Variants in LAMP1 observed in about 807,000 individuals in gnomAD.
LAMP1 encodes lysosome-associated membrane glycoprotein 1.
A neutral mutation model predicts 37.5 loss-of-function variants in LAMP1; 7 were observed. The observed-to-expected ratio is 0.19, with a 90% CI of 0.11 to 0.35. LAMP1 has a LOEUF of 0.35. Ranked by LOEUF, LAMP1 falls within the 10% of genes least tolerant of loss-of-function variation. The pLI is 1.00. For synonymous variants in LAMP1, 236 were observed against 229.1 expected (o/e 1.03, Z -0.27); for missense variants, 537 against 552.8 (o/e 0.97, Z 0.29).
chr13:113,316,514 C>CCA (rs2042665392), intron 4 of LAMP1, among the ~76,000 whole-genome samples: 1 of 151,240 alleles, frequency 6.6e-6, no homozygotes, highest in East Asian at 2.0e-4. Flanking sequence ...GCTCCGCCTC[C>CCA]TGGGTTCACG....
chr13:113,319,582 G>A lies in LAMP1; in HGVS notation c.676G>A (p.Gly226Ser), dbSNP rs776754723. Residue 226 changes from glycine (G) to serine (S), a missense_variant, in exon 5 of 9, where the codon GGC becomes AGC. By Grantham distance (56) the Gly-to-Ser change is moderately conservative. Coordinates refer to ENST00000332556, the MANE Select transcript of LAMP1 (RefSeq NM_005561.4). ...CTCTGTGGACAAGTACAACGTGAGC[G>A]GCACCAACGGGACCTGCCTGCTGGC... ...SPSVDKYNVSGTNGTCLLASM... is the reference protein window; with the variant it reads ...SPSVDKYNVSSTNGTCLLASM... 3.3e-5 allele frequency: 53 copies of A among 1,613,864 alleles called. 1 individual carries two copies. Among genetic ancestry groups the A allele is most frequent in the East Asian group, 8.9e-5 (4 of 44,888 alleles).
intron 2 of LAMP1, among the ~76,000 whole-genome samples, chr13:113,307,470 G>C (rs926592376): frequency 6.6e-6 from 1 of 151,974 alleles, no homozygotes; most frequent in Non-Finnish European, 1.5e-5. Context: ...AGTTTTCTTC[G>C]TGATTGTCTT....
chr13:113,322,118 G>T, intron 8 of LAMP1, 164 bp from the exon 9 acceptor site: 1 of 746,772 alleles, frequency 1.3e-6, no homozygotes, highest in Non-Finnish European at 2.2e-6. Context: ...GAGAGCACCA[G>T]TCTCTGCAGC....
chr13:113,305,564 T>C (rs1286673171), intron 1 of LAMP1: 1 of 152,208 alleles, frequency 6.6e-6, no homozygotes, highest in Non-Finnish European at 1.5e-5. Flanking sequence ...AGAGGAAATA[T>C]TTAGCAGTGA....
intron 1 of LAMP1, among the ~76,000 whole-genome samples, chr13:113,303,916 C>T (rs541134696): frequency 1.3e-5 from 2 of 152,082 alleles, no homozygotes; most frequent in Admixed American, 1.3e-4. Context: ...TCTACCCCGT[C>T]TCTACTAAAA....
chr13:113,307,268 C>G (rs370524520), intron 2 of LAMP1, among the ~76,000 whole-genome samples: 3 of 151,800 alleles, frequency 2.0e-5, no homozygotes, highest in African/African-American at 7.3e-5. Flanking sequence ...AGCAGTTCTC[C>G]TGCCTTAGCC....
At chr13:113,306,113 C>G (rs1295368274) in intron 1 of LAMP1, 1 of 174,504 alleles carries the variant, frequency 5.7e-6, no homozygotes, top group East Asian at 1.7e-4. Flanking sequence ...AATCCCAGCA[C>G]CTTGGGAGGC....
chr13:113,316,418 A>T (rs1476647463), intron 4 of LAMP1, among the ~76,000 whole-genome samples: 1 of 108,270 alleles, frequency 9.2e-6, no homozygotes, highest in Non-Finnish European at 1.8e-5. Context: ...CCAATTTGGC[A>T]TGATTTTTTT....
intron 4 of LAMP1, among the ~76,000 whole-genome samples, chr13:113,313,018 A>G (rs577291880): frequency 1.3e-5 from 2 of 152,318 alleles, no homozygotes; most frequent in South Asian, 4.1e-4. Flanking sequence ...ACTCTCTGTC[A>G]GAGCTTGGGA....
chr13:113,310,687 ATT>A lies in LAMP1; in HGVS notation c.404-9_404-8del, dbSNP rs201559462. The stretch of plus-strand genomic sequence containing the variant: ...GTACTGCAAGTAGTTTGCAATTGTG[ATT>A]TTTTTTTTTTTTAATCTAGAAATCA... On this transcript the variant is annotated intron_variant, in intron 3 of 8. Coordinates refer to ENST00000332556, the MANE Select transcript of LAMP1 (RefSeq NM_005561.4). The A allele has an allele frequency of 7.4e-3, 9,409 of 1,263,750 alleles. 275 individuals carry two copies. In the East Asian group the frequency reaches 0.13, roughly 18 times the overall value. The allele number at this position is 1,263,750 out of a possible 1,614,324, so 78.3% of individuals were successfully genotyped here. A position where few individuals can be genotyped will look rare whatever the true frequency, so the allele number is the denominator to read the frequency against.
At chr13:113,300,582 C>T (rs556576280) in intron 1 of LAMP1, among the ~76,000 whole-genome samples, 1 of 151,838 alleles carries the variant, frequency 6.6e-6, no homozygotes, top group South Asian at 2.1e-4. Flanking sequence ...TGAGGCAGGC[C>T]GATCACTAGG....
chr13:113,297,608 A>G lies in LAMP1; in HGVS notation c.61+113A>G. 4 of 998,416 alleles carry G rather than the reference A, an allele frequency of 4.0e-6. No homozygotes were observed. The highest frequency in any genetic ancestry group is 5.0e-6 in the Non-Finnish European group (4 of 794,114). The allele number at this position is 998,416 out of a possible 1,614,324, so 61.8% of individuals were successfully genotyped here. A position where few individuals can be genotyped will look rare whatever the true frequency, so the allele number is the denominator to read the frequency against. Reference sequence around the variant, plus strand: ...TTGTCCCGCGGGTCGCCCCGCACCCACTGCTCCTGGTCCCGGCCGGCTCTG... The same window carrying G: ...TTGTCCCGCGGGTCGCCCCGCACCCGCTGCTCCTGGTCCCGGCCGGCTCTG... On this transcript the variant is annotated intron_variant, in intron 1 of 8. Coordinates refer to ENST00000332556, the MANE Select transcript of LAMP1 (RefSeq NM_005561.4). This position sits in a 1 kb window ranked among gnomAD's most constrained non-coding sequence, Gnocchi z 4.4.
chr13:113,307,933 TG>T (rs1417889291), intron 2 of LAMP1, among the ~76,000 whole-genome samples: 3 of 123,746 alleles, frequency 2.4e-5, no homozygotes, highest in Non-Finnish European at 4.7e-5. Flanking sequence ...CACTCCAGCC[TG>T]GGTGACAGAG....
At position 113,322,262 on chromosome 13, in the gene LAMP1, C is replaced by A. The variant is rs770458182; in HGVS notation, c.1115-20C>A. 4 of 1,602,410 alleles carry A rather than the reference C, an allele frequency of 2.5e-6. No homozygotes were observed. Among genetic ancestry groups the A allele is most frequent in the South Asian group, 1.1e-5 (1 of 90,250 alleles). On this transcript the variant is annotated intron_variant, in intron 8 of 8. Transcript: ENST00000332556. ...CCCCTGTGTGAGCAGAGCCCTGACACCATCCGTCTGTCTTGGCAGTGGAGG... is the reference window on the plus strand; with the variant it reads ...CCCCTGTGTGAGCAGAGCCCTGACAACATCCGTCTGTCTTGGCAGTGGAGG...
intron 4 of LAMP1, among the ~76,000 whole-genome samples, chr13:113,313,928 G>T (rs1457202674): frequency 6.0e-5 from 7 of 115,874 alleles, no homozygotes; most frequent in Non-Finnish European, 6.4e-5. Context: ...CTGGGGCGTG[G>T]CCTCCTAGAG....
chr13:113,298,790 G>A (rs1237150975), intron 1 of LAMP1, among the ~76,000 whole-genome samples: 1 of 152,210 alleles, frequency 6.6e-6, no homozygotes, highest in East Asian at 1.9e-4. Flanking sequence ...CAACTGCATT[G>A]TTCTTTGTTA....
intron 4 of LAMP1, among the ~76,000 whole-genome samples, chr13:113,314,279 T>C (rs1455838595): frequency 6.1e-4 from 45 of 73,190 alleles, no homozygotes; most frequent in African/African-American, 1.5e-3. Flanking sequence ...CCGGAGGGAG[T>C]CAGTGTGGAG....
In LAMP1 at chr13:113,321,512, C is replaced by T. The variant is rs780324013; in HGVS notation, c.943+42C>T. 1.2e-5 allele frequency: 20 copies of T among 1,613,810 alleles called. No homozygotes were observed. Among genetic ancestry groups the T allele is most frequent in the Middle Eastern group, 3.3e-4 (2 of 6,062 alleles). On this transcript the variant is annotated intron_variant, in intron 7 of 8. Transcript: ENST00000332556. The surrounding 1 kb of genome is among the most constrained non-coding windows in gnomAD (Gnocchi z 5.6). Reference sequence around the variant, plus strand: ...TCTGCGAGCCCCGCCCCCGCCCGCGCGCCCAGGGTATTCTGGAGCCACTAG... The same window carrying T: ...TCTGCGAGCCCCGCCCCCGCCCGCGTGCCCAGGGTATTCTGGAGCCACTAG...
chr13:113,300,486 CAAAAAA>C (rs781688099), intron 1 of LAMP1, among the ~76,000 whole-genome samples: 13 of 60,276 alleles, frequency 2.2e-4, no homozygotes, highest in East Asian at 1.1e-3. Flanking sequence ...AACTCAATGT[CAAAAAA>C]AAAAAAAAAA....
Sources: gnomAD v4.1 joint callset for allele counts (sites outside exome capture counted in the v4.1 genomes callset) on GRCh38, gnomAD v4.1.1 for gene constraint, Gnocchi (gnomAD v3.1) non-coding constraint, MANE v1.5 for transcripts, NCBI Gene and HGNC (gene_info 2026-07-23, HGNC 2026-07-21) for gene names.